WIPF3: variants seen among roughly 807,000 people sequenced by gnomAD.
WIPF3 encodes WAS/WASL interacting protein family member 3.
In WIPF3, 33 loss-of-function variants were observed where a neutral mutation model predicts 38.9. That is an observed-to-expected ratio of 0.85 (90% confidence interval 0.64 to 1.14). WIPF3 has a LOEUF of 1.14. WIPF3 is among the 50% of genes most tolerant of loss of function. WIPF3 has a pLI of 0.00. For synonymous variants in WIPF3, 324 were observed against 269.3 expected (o/e 1.20, Z -1.99); for missense variants, 711 against 652.5 (o/e 1.09, Z -0.98).
Position 29,916,059 on chromosome 7 carries a change from G to A in WIPF3, c.*1543G>A, listed in dbSNP as rs1786608986. 1.3e-5 allele frequency: 2 copies of A among 152,222 alleles called. No individual in the cohort carries two copies. Among genetic ancestry groups the A allele is most frequent in the African/African-American group, 4.8e-5 (2 of 41,446 alleles). 9.4% of individuals were successfully genotyped at this position (152,222 alleles called of 1,614,324 possible). A position where few individuals can be genotyped will look rare whatever the true frequency, so the allele number is the denominator to read the frequency against. ...TCAGGTGGTGTCCTGCAGCAGTGCT[G>A]TGCTTTCTCATTCCAGATGGAAGCA... On this transcript the variant is annotated 3_prime_UTR_variant, in exon 9 of 9. Coordinates refer to ENST00000242140, the MANE Select transcript of WIPF3 (RefSeq NM_001080529.3).
chr7:29,864,445 G>A (rs773643646), intron 2 of WIPF3, among the ~76,000 whole-genome samples: 4 of 152,084 alleles, frequency 2.6e-5, no homozygotes, highest in Non-Finnish European at 5.9e-5. Flanking sequence ...TAAGGATAAC[G>A]TTTGCGTTCA....
At position 29,914,677 on chromosome 7, in the gene WIPF3, T is replaced by A. The variant is rs1160696973; in HGVS notation, c.*161T>A. ...ATTTGCACGGGCTTTAAAGCAGTAT[T>A]TTAATTGACTTTTATTTCGGTAATA... On this transcript the variant is annotated 3_prime_UTR_variant, in exon 9 of 9. Coordinates refer to ENST00000242140, the MANE Select transcript of WIPF3 (RefSeq NM_001080529.3). The A allele has an allele frequency of 8.7e-6, 4 of 461,286 alleles. No homozygotes were observed. The highest frequency in any genetic ancestry group is 1.5e-5 in the Non-Finnish European group (4 of 264,388). 28.6% of individuals were successfully genotyped at this position (461,286 alleles called of 1,614,324 possible). A position where few individuals can be genotyped will look rare whatever the true frequency, so the allele number is the denominator to read the frequency against.
intron 2 of WIPF3, among the ~76,000 whole-genome samples, chr7:29,860,954 G>A (rs1226988279): frequency 6.6e-6 from 1 of 152,108 alleles, no homozygotes; most frequent in Non-Finnish European, 1.5e-5. Context: ...CAGAGATTAT[G>A]AGTTTGGTTT....
intron 5 of WIPF3, among the ~76,000 whole-genome samples, chr7:29,886,378 A>T (rs1184748189): frequency 5.6e-5 from 6 of 106,958 alleles, no homozygotes; most frequent in African/African-American, 2.3e-4. Context: ...TTTTTTTGAG[A>T]CACAGTTTCA....
At chr7:29,892,684 C>T (rs1030003548) in intron 7 of WIPF3, among the ~76,000 whole-genome samples, 3 of 152,204 alleles carry the variant, frequency 2.0e-5, no homozygotes, top group Admixed American at 2.0e-4. Flanking sequence ...GAACCCAGGG[C>T]CAGTTCCATT....
chr7:29,874,559 C>A (rs566884219), intron 2 of WIPF3, among the ~76,000 whole-genome samples: 3 of 152,264 alleles, frequency 2.0e-5, no homozygotes, highest in East Asian at 3.9e-4. Flanking sequence ...ATGGTATCCC[C>A]GTACAGTAGG....
At position 29,883,960 on chromosome 7, in the gene WIPF3, T is replaced by C. The variant is rs1213654662; in HGVS notation, c.466T>C (p.Ser156Pro). The change falls in exon 5 of 9, where the codon TCC (serine) becomes CCC (proline). Residue 156 changes from serine (S) to proline (P), a missense_variant. By Grantham distance (74) the Ser-to-Pro change is moderately conservative. Transcript: ENST00000242140. The stretch of plus-strand genomic sequence containing the variant: ...TGCCTCTCCCAGGCTAGGCAATACC[T>C]CCGAGGCGCATGGCGCTGCCAGGAC... ...PPASPRLGNT[S>P]EAHGAARTAP... 6.4e-7 allele frequency: 1 copy of C among 1,551,516 alleles called. No individual in the cohort carries two copies. Among genetic ancestry groups the C allele is most frequent in the Admixed American group, 1.9e-5 (1 of 51,564 alleles).
intron 5 of WIPF3, 118 bp downstream of exon 5, chr7:29,884,711 CAG>C (rs1369274341): frequency 2.9e-6 from 4 of 1,393,130 alleles, no homozygotes; most frequent in African/African-American, 2.9e-5. Flanking sequence ...GTGAGGGAGG[CAG>C]AGAGACTTGC....
rs1785056117 is a variant in WIPF3 at position 29,849,424 on chromosome 7, A to C, written c.90+14610A>C. On this transcript the variant is annotated intron_variant, in intron 2 of 8. Transcript: ENST00000242140. ...ATTTACTGTTCTCTGCCCTTGTACAAGGACATCTATCACTAGCTGGTGTTT... is the reference window on the plus strand; with the variant it reads ...ATTTACTGTTCTCTGCCCTTGTACACGGACATCTATCACTAGCTGGTGTTT... Among the ~76,000 whole-genome samples, 3 of 152,210 alleles carry C rather than the reference A, an allele frequency of 2.0e-5. No homozygotes were observed. In the South Asian group the frequency reaches 6.2e-4, roughly 32 times the overall value.
intron 7 of WIPF3, among the ~76,000 whole-genome samples, chr7:29,902,077 C>T (rs1786293678): frequency 6.6e-6 from 1 of 151,916 alleles, no homozygotes; most frequent in South Asian, 2.1e-4. Flanking sequence ...CATTCTGCAA[C>T]ACACAGGACC....
chr7:29,828,874 G>GCAAC (rs1355475250), intron 1 of WIPF3, among the ~76,000 whole-genome samples: 1 of 152,210 alleles, frequency 6.6e-6, no homozygotes. Context: ...AAGACGGTGG[G>GCAAC]CAACCACAAG....
chr7:29,839,974 G>A lies in WIPF3; in HGVS notation c.90+5160G>A, dbSNP rs575163404. 2.0e-5 allele frequency among the ~76,000 whole-genome samples: 3 copies of A among 152,240 alleles called. No homozygotes were observed. The South Asian group carries it at 6.2e-4, about 32-fold the overall frequency. ...TGAGTTCTGTCAATAAATATTTTGT[G>A]GAAGTTTCTTTTCTCTTTTGTTATA... On this transcript the variant is annotated intron_variant, in intron 2 of 8. Transcript: ENST00000242140.
intron 2 of WIPF3, among the ~76,000 whole-genome samples, chr7:29,837,264 G>A (rs1371889313): frequency 6.6e-6 from 1 of 152,000 alleles, no homozygotes; most frequent in Non-Finnish European, 1.5e-5. Flanking sequence ...GCTGAGGCAG[G>A]AGAATGGTGT....
At chr7:29,813,426 C>A (rs1380129466) in intron 1 of WIPF3, among the ~76,000 whole-genome samples, 1 of 152,230 alleles carries the variant, frequency 6.6e-6, no homozygotes, top group African/African-American at 2.4e-5. Flanking sequence ...CCCCAAGCCA[C>A]AGCACCCATG....
intron 4 of WIPF3, among the ~76,000 whole-genome samples, chr7:29,881,927 C>G (rs1267091573): frequency 6.6e-6 from 1 of 152,202 alleles, no homozygotes; most frequent in Non-Finnish European, 1.5e-5. Flanking sequence ...TTGTGAAGGA[C>G]AGCCTCCTCC....
intron 2 of WIPF3, among the ~76,000 whole-genome samples, chr7:29,859,764 C>T (rs1486979256): frequency 2.0e-5 from 3 of 152,130 alleles, no homozygotes; most frequent in African/African-American, 4.8e-5. Context: ...CTGGGTTAAA[C>T]TGTTAAAATG....
At chr7:29,831,739 C>T (rs185650678) in intron 1 of WIPF3, among the ~76,000 whole-genome samples, 9 of 152,344 alleles carry the variant, frequency 5.9e-5, no homozygotes, top group Admixed American at 1.3e-4. Context: ...CATCTTGTGG[C>T]TCTGCCAACA....
chr7:29,884,314 G>T lies in WIPF3; in HGVS notation c.820G>T (p.Gly274Trp). ...TCTGCTCCCACCTTGTGGGTATCCG[G>T]GGCTCAAAGCGGAGCCCGCCAGCCC... is the stretch of plus-strand genomic sequence containing the variant. Reference protein sequence around the residue: ...LPLLPPCGYPGLKAEPASPAQ... With the variant: ...LPLLPPCGYPWLKAEPASPAQ... Residue 274 changes from glycine to tryptophan, a missense_variant, in exon 5 of 9, where the codon GGG (glycine) becomes TGG (tryptophan). Transcript: ENST00000242140. The T allele has an allele frequency of 6.7e-7, 1 of 1,487,708 alleles. No individual in the cohort carries two copies. The highest frequency in any genetic ancestry group is 9.0e-7 in the Non-Finnish European group (1 of 1,115,456). The allele number at this position is 1,487,708 out of a possible 1,614,324, so 92.2% of individuals were successfully genotyped here. A position where few individuals can be genotyped will look rare whatever the true frequency, so the allele number is the denominator to read the frequency against.
intron 8 of WIPF3, among the ~76,000 whole-genome samples, chr7:29,913,345 CAA>C (rs1161222562): frequency 0.019 from 1,383 of 74,566 alleles, 20 homozygotes; most frequent in East Asian, 0.11. Flanking sequence ...AACTCCGTCT[CAA>C]AAAAAAAAAA....
Sources: allele counts gnomAD v4.1 joint callset (sites outside exome capture counted in the v4.1 genomes callset), GRCh38; gene constraint gnomAD v4.1.1; transcripts MANE v1.5; gene names NCBI Gene and HGNC (gene_info 2026-07-23, HGNC 2026-07-21).